LTO1: variants seen among roughly 807,000 people sequenced by gnomAD.
The protein encoded by LTO1 is protein LTO1 homolog.
In LTO1, 18 loss-of-function variants were observed where a neutral mutation model predicts 19.8. That is an observed-to-expected ratio of 0.91 (90% confidence interval 0.63 to 1.35). LTO1 has a LOEUF of 1.35. LTO1 is among the 40% of genes most tolerant of loss of function. The pLI is 0.00. For missense variants in LTO1, 175 were observed against 167.9 expected (o/e 1.04, Z -0.23); for synonymous variants, 59 against 59.6 (o/e 0.99, Z 0.05).
intron 2 of LTO1, chr11:69,672,605 C>A (rs773791136): frequency 2.5e-5 from 4 of 158,496 alleles, no homozygotes; most frequent in Non-Finnish European, 5.6e-5. Flanking sequence ...GGCACCCATT[C>A]TTTGGCTTAG....
At chr11:69,671,660 CAGAT>C in intron 3 of LTO1, 85 bp downstream of exon 3, 1 of 773,076 alleles carries the variant, frequency 1.3e-6, no homozygotes. Context: ...GAGGAACAGA[CAGAT>C]TGATTACTCA....
At chr11:69,675,124 G>A in intron 1 of LTO1, 66 bp downstream of exon 1, 1 of 1,456,424 alleles carries the variant, frequency 6.9e-7, no homozygotes, top group Non-Finnish European at 9.5e-7. Flanking sequence ...CTGGGCCGCA[G>A]CCGGCGGCGA....
intron 3 of LTO1, among the ~76,000 whole-genome samples, chr11:69,669,570 G>A (rs991300414): frequency 6.6e-6 from 1 of 152,218 alleles, no homozygotes; most frequent in African/African-American, 2.4e-5. Context: ...ATGCTAACCC[G>A]ATGCAGAGGA....
At chr11:69,674,621 T>C (rs1307586392) in intron 1 of LTO1, 18 of 376,828 alleles carry the variant, frequency 4.8e-5, no homozygotes, top group Non-Finnish European at 7.8e-5. Flanking sequence ...GCGAGCTAAA[T>C]AAACGTCAGC....
chr11:69,668,240 C>T, intron 3 of LTO1: 3 of 478,160 alleles, frequency 6.3e-6, no homozygotes, highest in East Asian at 3.5e-5. Context: ...AGCTTACAGA[C>T]ACGCCTCCAT....
intron 1 of LTO1, 77 bp downstream of exon 1, chr11:69,675,113 C>A: frequency 7.3e-7 from 1 of 1,375,240 alleles, no homozygotes; most frequent in South Asian, 1.2e-5. Context: ...CAGCAGCCGC[C>A]CTGGGCCGCA....
At chr11:69,673,925 C>T (rs755303668) in intron 1 of LTO1, among the ~76,000 whole-genome samples, 11 of 151,988 alleles carry the variant, frequency 7.2e-5, no homozygotes, top group Non-Finnish European at 1.6e-4. Flanking sequence ...GGTGCGATCT[C>T]GGCTCACTGC....
Position 69,675,256 on chromosome 11 carries a change from C to T in LTO1, c.-17G>A. The T allele has an allele frequency of 6.7e-7, 1 of 1,485,308 alleles. No individual in the cohort carries two copies. Among genetic ancestry groups the T allele is most frequent in the South Asian group, 1.4e-5 (1 of 71,618 alleles). 92.0% of individuals were successfully genotyped at this position (1,485,308 alleles called of 1,614,324 possible). On this transcript the variant is annotated 5_prime_UTR_variant, in exon 1 of 5. Transcript: ENST00000279147. ...GCCAGCCATAGCGGCAAGCAGCCCG[C>T]CCTTGGCCCCCGGGTTTCTGCAGCC...
At position 69,673,062 on chromosome 11, in the gene LTO1, C is replaced by A. The variant is rs183078102; in HGVS notation, c.156+154G>T. The A allele has an allele frequency of 5.8e-6, 4 of 692,314 alleles. No homozygotes were observed. The East Asian group carries it at 8.3e-5, about 14-fold the overall frequency. The allele number at this position is 692,314 out of a possible 1,614,324, so 42.9% of individuals were successfully genotyped here. ...AGGCGATCCACCCACCTCAGACTCC[C>A]AAAGTGCTGGGATTACAGGTGTGAG... is the stretch of plus-strand genomic sequence containing the variant. On this transcript the variant is annotated intron_variant, in intron 2 of 4. Coordinates refer to ENST00000279147, the MANE Select transcript of LTO1 (RefSeq NM_153451.3).
Position 69,675,144 on chromosome 11 carries a change from G to T in LTO1, c.50+46C>A, listed in dbSNP as rs750149398. The stretch of plus-strand genomic sequence containing the variant: ...CCGCAGCCGGCGGCGAAGCCGCTGG[G>T]AGACGACCAGACAGGGCGGGGTGCG... On this transcript the variant is annotated intron_variant, in intron 1 of 4. Transcript: ENST00000279147. 6 of 1,569,786 alleles carry T rather than the reference G, an allele frequency of 3.8e-6. No homozygotes were observed. The South Asian group carries it at 6.8e-5, about 18-fold the overall frequency.
Position 69,672,084 on chromosome 11 carries a change from G to A in LTO1, c.157-265C>T, listed in dbSNP as rs184086793. On this transcript the variant is annotated intron_variant, in intron 2 of 4. Transcript: ENST00000279147. ...TCGACACTCCACCAGGGTGGCTTTC[G>A]TAACCAACAGAATGTGGAGGAACAG... 24 of 431,144 alleles carry A rather than the reference G, an allele frequency of 5.6e-5. 1 individual carries two copies. Among genetic ancestry groups the A allele is most frequent in the Middle Eastern group, 7.1e-4 (1 of 1,408 alleles). The allele number at this position is 431,144 out of a possible 1,614,324, so 26.7% of individuals were successfully genotyped here.
rs2119843271 is a variant in LTO1, at chr11:69,670,376, C to T, written c.227+1373G>A. ...CCAAGAACACACATCCTTTTGTGGC[C>T]TGGAGTTGAGAGCCAGGCTCAGCTT... On this transcript the variant is annotated intron_variant, in intron 3 of 4. Coordinates refer to ENST00000279147, the MANE Select transcript of LTO1 (RefSeq NM_153451.3). Among the ~76,000 whole-genome samples, 5 of 152,328 alleles carry T rather than the reference C, an allele frequency of 3.3e-5. No individual in the cohort carries two copies. In the Middle Eastern group the frequency reaches 0.017, roughly 518 times the overall value.
rs1223517366 is a variant in LTO1 at position 69,667,276 on chromosome 11, G to A, written c.*243C>T. ...CGGAGAGGCTGTCAAGTCAATGCAC[G>A]AGGGCTCTGCCAGGGACGGCTTCAG... On this transcript the variant is annotated 3_prime_UTR_variant, in exon 5 of 5. Coordinates refer to ENST00000279147, the MANE Select transcript of LTO1 (RefSeq NM_153451.3). 1.6e-5 allele frequency: 9 copies of A among 552,236 alleles called. No homozygotes were observed. Among genetic ancestry groups the A allele is most frequent in the African/African-American group, 9.5e-5 (5 of 52,368 alleles). The allele number at this position is 552,236 out of a possible 1,614,324, so 34.2% of individuals were successfully genotyped here.
At chr11:69,668,069 C>CAT in intron 3 of LTO1, 57 bp from the exon 4 acceptor site, 1 of 848,158 alleles carries the variant, frequency 1.2e-6, no homozygotes, top group East Asian at 2.4e-5. Context: ...GCTCAACTTA[C>CAT]ACAACAGCTA....
chr11:69,668,770 G>A (rs777158865), intron 3 of LTO1, among the ~76,000 whole-genome samples: 3 of 151,912 alleles, frequency 2.0e-5, no homozygotes, highest in Non-Finnish European at 4.4e-5. Context: ...GCTCACGCCT[G>A]TAATCCCAGC....
At position 69,665,602 on chromosome 11, in the gene LTO1, T is replaced by C. The variant is rs1169151205; in HGVS notation, c.*1917A>G. ...ATGCTATTTACTTTTTTTACAGTTA[T>C]AAAAATAATACATTATCAAAATAGA... On this transcript the variant is annotated 3_prime_UTR_variant, in exon 5 of 5. Transcript: ENST00000279147. 1 of 152,158 alleles carries C rather than the reference T, an allele frequency of 6.6e-6. No individual in the cohort carries two copies. The highest frequency in any genetic ancestry group is 1.5e-5 in the Non-Finnish European group (1 of 68,034). The allele number at this position is 152,158 out of a possible 1,614,324, so 9.4% of individuals were successfully genotyped here.
At chr11:69,671,051 G>A (rs1336977718) in intron 3 of LTO1, among the ~76,000 whole-genome samples, 3 of 151,986 alleles carry the variant, frequency 2.0e-5, no homozygotes, top group African/African-American at 7.3e-5. Context: ...CAGACACATG[G>A]CACCACGCCC....
chr11:69,671,268 A>G (rs1856105485), intron 3 of LTO1: 1 of 155,782 alleles, frequency 6.4e-6, no homozygotes, highest in Admixed American at 6.2e-5. Flanking sequence ...GACAAGTTCC[A>G]GAAAGGAGTT....
intron 1 of LTO1, among the ~76,000 whole-genome samples, chr11:69,674,105 G>A (rs993210753): frequency 2.6e-5 from 4 of 152,002 alleles, no homozygotes; most frequent in East Asian, 1.9e-4. Flanking sequence ...CGCCCGCCTC[G>A]GCCTCCCAAA....
Sources: gnomAD v4.1 joint callset for allele counts (sites outside exome capture counted in the v4.1 genomes callset) on GRCh38, gnomAD v4.1.1 for gene constraint, MANE v1.5 for transcripts, NCBI Gene and HGNC (gene_info 2026-07-23, HGNC 2026-07-21) for gene names.